Variants in EHBP1 observed in about 807,000 individuals in gnomAD.
EHBP1 encodes EH domain-binding protein 1.
EHBP1 carries 55 observed loss-of-function variants against 144.0 expected under a neutral mutation model. That is an observed-to-expected ratio of 0.38 (90% CI 0.31 to 0.48). EHBP1 has a LOEUF of 0.48. Among genes scored for constraint, EHBP1 ranks in the 20% least tolerant of loss-of-function variants. The pLI is 0.98. For missense variants in EHBP1, 1,200 were observed against 1,364.2 expected (o/e 0.88, Z 1.90); for synonymous variants, 469 against 472.7 (o/e 0.99, Z 0.10).
Position 62,686,082 on chromosome 2 carries a change from C to G in EHBP1, c.-296+11999C>G, listed in dbSNP as rs184480413. On this transcript the variant is annotated intron_variant, in intron 1 of 22. Coordinates refer to the EHBP1 transcript ENST00000405015. ...GTATGGGAAGGGAGTGGGTTAATTCCTAGTTTGACTTTTGAGAGCAACTTC... is the reference window on the plus strand; with the variant it reads ...GTATGGGAAGGGAGTGGGTTAATTCGTAGTTTGACTTTTGAGAGCAACTTC... Among the ~76,000 whole-genome samples, 304 of 152,130 alleles carry G rather than the reference C, an allele frequency of 2.0e-3. 1 individual carries two copies. The highest frequency in any genetic ancestry group is 6.9e-3 in the African/African-American group (288 of 41,496).
At chr2:62,970,570 A>T (rs2058452974) in intron 14 of EHBP1, among the ~76,000 whole-genome samples, 1 of 152,202 alleles carries the variant, frequency 6.6e-6, no homozygotes, top group South Asian at 2.1e-4. Context: ...AGCTACACTG[A>T]CAGTTTCTCA....
At chr2:63,008,767 G>T (rs2060151800) in intron 19 of EHBP1, among the ~76,000 whole-genome samples, 1 of 151,214 alleles carries the variant, frequency 6.6e-6, no homozygotes, top group Non-Finnish European at 1.5e-5. Flanking sequence ...AAATATATAA[G>T]GTTAGATTGG....
intron 10 of EHBP1, among the ~76,000 whole-genome samples, chr2:62,911,312 G>A (rs1479519562): frequency 6.6e-6 from 1 of 152,090 alleles, no homozygotes; most frequent in Non-Finnish European, 1.5e-5. Context: ...TAAAGTACTT[G>A]GAAAAGTTCT....
At chr2:62,846,904 C>CT (rs1251297553) in intron 7 of EHBP1, among the ~76,000 whole-genome samples, 1 of 152,038 alleles carries the variant, frequency 6.6e-6, no homozygotes, top group Non-Finnish European at 1.5e-5. Flanking sequence ...ATCATTTTTC[C>CT]TCAAATCAAT....
At chr2:62,985,979 A>G (rs532085566) in intron 15 of EHBP1, among the ~76,000 whole-genome samples, 7 of 152,318 alleles carry the variant, frequency 4.6e-5, no homozygotes, top group South Asian at 2.1e-4. Context: ...TGTATACAGT[A>G]CACAGTAGAA....
At chr2:62,674,203 T>A (rs1439765892) in intron 1 of EHBP1, 2 of 452,290 alleles carry the variant, frequency 4.4e-6, no homozygotes, top group African/African-American at 2.0e-5. Flanking sequence ...TGTGTGTGTA[T>A]GTGTGTGTGT....
intron 12 of EHBP1, among the ~76,000 whole-genome samples, chr2:62,944,073 T>A (rs931289578): frequency 1.3e-5 from 2 of 152,228 alleles, no homozygotes; most frequent in Admixed American, 1.3e-4. Flanking sequence ...ATATGCATAT[T>A]ATCTTTTTAA....
At chr2:62,840,488 T>C (rs1217668879) in intron 7 of EHBP1, among the ~76,000 whole-genome samples, 1 of 148,248 alleles carries the variant, frequency 6.7e-6, no homozygotes, top group Non-Finnish European at 1.5e-5. Flanking sequence ...AATTGACAAA[T>C]GGGATCTAAT....
At chr2:63,015,433 A>G (rs1294796066) in intron 19 of EHBP1, among the ~76,000 whole-genome samples, 1 of 152,080 alleles carries the variant, frequency 6.6e-6, no homozygotes, top group East Asian at 1.9e-4. Context: ...GTAAGTATGG[A>G]TTATATGGGA....
intron 3 of EHBP1, among the ~76,000 whole-genome samples, chr2:62,761,678 G>C (rs1307014714): frequency 1.3e-5 from 2 of 152,014 alleles, no homozygotes; most frequent in Non-Finnish European, 2.9e-5. Flanking sequence ...ATGGAAGAAT[G>C]GTCTGTGCTT....
chr2:62,872,168 C>T (rs757911403), intron 9 of EHBP1: 12 of 151,988 alleles, frequency 7.9e-5, no homozygotes, highest in Non-Finnish European at 1.3e-4. Context: ...AATCCTGAAC[C>T]AACTTTGGTT....
intron 2 of EHBP1, among the ~76,000 whole-genome samples, chr2:62,729,588 TA>T (rs1372382668): frequency 9.5e-5 from 12 of 126,808 alleles, no homozygotes; most frequent in East Asian, 2.1e-4. Flanking sequence ...AATATAATAA[TA>T]ATATATATAA....
At chr2:62,729,370 TATA>T (rs953186558) in intron 2 of EHBP1, among the ~76,000 whole-genome samples, 24 of 123,382 alleles carry the variant, frequency 1.9e-4, no homozygotes, top group South Asian at 4.5e-4. Flanking sequence ...TATAATATAA[TATA>T]ATAATAAATA....
intron 18 of EHBP1, 85 bp from the exon 19 acceptor site, chr2:62,996,558 T>TA: frequency 1.9e-6 from 3 of 1,557,338 alleles, no homozygotes; most frequent in Non-Finnish European, 2.6e-6. Flanking sequence ...GTTCTCTAGG[T>TA]AAGTGCTTTA....
chr2:63,010,289 G>A (rs1181986504), intron 19 of EHBP1, among the ~76,000 whole-genome samples: 2 of 151,308 alleles, frequency 1.3e-5, no homozygotes, highest in Admixed American at 1.3e-4. Context: ...GCTATAATTA[G>A]AGCAGGTATT....
chr2:62,865,069 T>G, intron 9 of EHBP1, 98 bp downstream of exon 9: 1 of 1,338,446 alleles, frequency 7.5e-7, no homozygotes, highest in Non-Finnish European at 1.0e-6. Flanking sequence ...AAATCATTAA[T>G]GTACACTTTA....
At chr2:62,914,674 G>C (rs1442444652) in intron 10 of EHBP1, among the ~76,000 whole-genome samples, 1 of 152,002 alleles carries the variant, frequency 6.6e-6, no homozygotes, top group Non-Finnish European at 1.5e-5. Flanking sequence ...TTAGAGAACT[G>C]AGTAAGGTAA....
rs540807492 is a variant in EHBP1, at chr2:62,676,993, T to C, written c.-296+2910T>C. 9.9e-5 allele frequency among the ~76,000 whole-genome samples: 15 copies of C among 152,238 alleles called. 1 individual carries two copies. The South Asian group carries it at 2.9e-3, about 29-fold the overall frequency. ...ACCTGGGCAGCATAGTGAAACCTTG[T>C]CTCTACAAAAAATTTAAAACTTAGC... On this transcript the variant is annotated intron_variant, in intron 1 of 22. Transcript: ENST00000405015.
At chr2:62,995,302 A>G (rs1301884878) in intron 18 of EHBP1, among the ~76,000 whole-genome samples, 1 of 152,020 alleles carries the variant, frequency 6.6e-6, no homozygotes, top group Non-Finnish European at 1.5e-5. Context: ...TAGTTTTATG[A>G]TTTCTTAAAA....
Sources: gnomAD v4.1 joint callset for allele counts (sites outside exome capture counted in the v4.1 genomes callset) on GRCh38, gnomAD v4.1.1 for gene constraint, MANE v1.5 for transcripts, NCBI Gene and HGNC (gene_info 2026-07-23, HGNC 2026-07-21) for gene names.